Variants in ZBTB40 observed in about 807,000 individuals in gnomAD.
ZBTB40 encodes the protein zinc finger and BTB domain containing 40, also known as zinc finger and BTB domain-containing protein 40.
A neutral mutation model predicts 117.5 loss-of-function variants in ZBTB40; 60 were observed. The observed-to-expected ratio is 0.51, with a 90% CI of 0.41 to 0.63. The LOEUF is 0.63. ZBTB40 is among the 30% of genes least tolerant of loss of function. The pLI, the probability that ZBTB40 is intolerant of heterozygous loss-of-function variation, is 0.00. For synonymous variants in ZBTB40, 525 were observed against 577.1 expected (o/e 0.91, Z 1.29); for missense variants, 1,287 against 1,498.5 (o/e 0.86, Z 2.33).
At chr1:22,478,246 CT>C (rs928108075) in intron 1 of ZBTB40, among the ~76,000 whole-genome samples, 7 of 149,502 alleles carry the variant, frequency 4.7e-5, no homozygotes, top group East Asian at 2.0e-4. Context: ...CTATAATTTT[CT>C]TTTTTTTTTC....
At chr1:22,510,006 A>T (rs3754010) in intron 9 of ZBTB40, among the ~76,000 whole-genome samples, 47,599 of 152,176 alleles carry the variant, frequency 0.31, 8,275 homozygotes, top group East Asian at 0.46. Context: ...CAAGATAAAC[A>T]TAGATAAAAC....
At chr1:22,491,142 G>A (rs887137566) in intron 2 of ZBTB40, among the ~76,000 whole-genome samples, 1 of 152,136 alleles carries the variant, frequency 6.6e-6, no homozygotes, top group African/African-American at 2.4e-5. Flanking sequence ...TGATCCACCC[G>A]CCTCAGCCTC....
chr1:22,515,954 A>G (rs1639363899), intron 12 of ZBTB40, among the ~76,000 whole-genome samples: 1 of 152,226 alleles, frequency 6.6e-6, no homozygotes, highest in Non-Finnish European at 1.5e-5. Flanking sequence ...CGTTCAGTGT[A>G]GAGGTGATAT....
chr1:22,433,984 G>A (rs1569732518), intron 1 of ZBTB40, among the ~76,000 whole-genome samples: 1 of 151,990 alleles, frequency 6.6e-6, no homozygotes, highest in Admixed American at 6.6e-5. Context: ...TAAAATCCCA[G>A]AAGTGCAATT....
Position 22,512,912 on chromosome 1 carries a change from T to TG in ZBTB40, c.2462-10dup, listed in dbSNP as rs1294389487. 6.2e-7 allele frequency: 1 copy of TG among 1,614,018 alleles called. No homozygotes were observed. The highest frequency in any genetic ancestry group is 8.5e-7 in the Non-Finnish European group (1 of 1,179,992). On this transcript the variant is annotated splice_polypyrimidine_tract_variant and intron_variant, in intron 11 of 17. Coordinates refer to ENST00000375647, the MANE Select transcript of ZBTB40 (RefSeq NM_014870.4). ...CATCTCTTCTGGCCTCTGGTGTGCT[T>TG]GGCTTCCCTAGGCATGCAGTACCAT...
rs1377211483 is a variant in ZBTB40 at position 22,513,012 on chromosome 1, C to A, written c.2550C>A (p.Thr850=). 6.2e-7 allele frequency: 1 copy of A among 1,614,154 alleles called. No homozygotes were observed. The highest frequency in any genetic ancestry group is 2.2e-5 in the East Asian group (1 of 44,874). The change falls in exon 12 of 18, where the codon ACC becomes ACA. Residue 850 remains threonine (T), a synonymous_variant. Transcript: ENST00000375647. The surrounding 1 kb of genome is among the most constrained non-coding windows in gnomAD (Gnocchi z 4.9). ...GGGCGAAGTTTGCAGCCAATTCCAC[C>A]CTGAAGAACCACCTTCGCCTTCACA... ...ECGAKFAANS[T]LKNHLRLHTG... is the part of the protein sequence containing the mutation.
chr1:22,529,484 C>A lies in ZBTB40; in HGVS notation c.*3088C>A, dbSNP rs1232458507. ...GGGAATACTGGGGTCAGTTATGGAA[C>A]AGGACTTGCCCATCATAGGTAAGTG... On this transcript the variant is annotated 3_prime_UTR_variant, in exon 18 of 18. Transcript: ENST00000375647. 2 of 152,352 alleles carry A rather than the reference C, an allele frequency of 1.3e-5. No individual in the cohort carries two copies. The highest frequency in any genetic ancestry group is 2.9e-5 in the Non-Finnish European group (2 of 68,076). The allele number at this position is 152,352 out of a possible 1,614,324, so 9.4% of individuals were successfully genotyped here. A position where few individuals can be genotyped will look rare whatever the true frequency, so the allele number is the denominator to read the frequency against.
chr1:22,433,424 C>T (rs1381017988), intron 1 of ZBTB40, among the ~76,000 whole-genome samples: 1 of 6,984 alleles, frequency 1.4e-4, no homozygotes, highest in Non-Finnish European at 3.4e-4. Context: ...CAGAGCAAGA[C>T]GCCCTCTCAA....
At chr1:22,469,315 CT>C (rs1306323036) in intron 1 of ZBTB40, among the ~76,000 whole-genome samples, 3 of 151,032 alleles carry the variant, frequency 2.0e-5, no homozygotes, top group Admixed American at 6.6e-5. Context: ...TGTATTACTT[CT>C]TTTTTTTTAA....
chr1:22,442,627 C>T (rs1041370227), intron 1 of ZBTB40, among the ~76,000 whole-genome samples: 8 of 152,176 alleles, frequency 5.3e-5, no homozygotes, highest in East Asian at 1.9e-4. Flanking sequence ...CCATGCCACC[C>T]GGAGGGCTGT....
In ZBTB40 at chr1:22,490,386, A is replaced by G; in HGVS notation, c.438A>G (p.Val146=). The G allele has an allele frequency of 6.2e-7, 1 of 1,613,858 alleles. No individual in the cohort carries two copies. The change falls in exon 2 of 18, where the codon GTA becomes GTG. Residue 146 remains valine (V), a synonymous_variant. Coordinates refer to ENST00000375647, the MANE Select transcript of ZBTB40 (RefSeq NM_014870.4). ...GAAAGGAACCAGAGAAGCCTCAAGT[A>G]GAAATCCTTTCATCTGAAGGTGCTG... The part of the protein sequence containing the change: ...TFRKEPEKPQ[V]EILSSEGAGE...
chr1:22,444,393 C>T lies in ZBTB40; in HGVS notation c.-70+15379C>T, dbSNP rs528668386. The stretch of plus-strand genomic sequence containing the variant: ...TGAGATCATGCCACTCCAGCCTGGG[C>T]GACAGAGAGAGACTCCGTCTCAAAA... On this transcript the variant is annotated intron_variant, in intron 1 of 8. Transcript: ENST00000650433. 3.4e-4 allele frequency among the ~76,000 whole-genome samples: 51 copies of T among 151,990 alleles called. No individual in the cohort carries two copies. The South Asian group carries it at 0.01, about 30-fold the overall frequency.
chr1:22,490,597 C>G lies in ZBTB40; in HGVS notation c.649C>G (p.Pro217Ala), dbSNP rs755063136. 16 of 1,613,908 alleles carry G rather than the reference C, an allele frequency of 9.9e-6. No individual in the cohort carries two copies. The Admixed American group carries it at 1.2e-4, about 12-fold the overall frequency. Residue 217 changes from proline (P) to alanine (A), a missense_variant, in exon 2 of 18, where the codon CCT becomes GCT. Pro to Ala is a conservative substitution (Grantham distance 27). Transcript: ENST00000375647. ...PTTAEACSPSPAVQTFSEAKK... is the reference protein window; with the variant it reads ...PTTAEACSPSAAVQTFSEAKK... Reference sequence around the variant, plus strand: ...TACAGCTGAAGCTTGTTCCCCCTCCCCTGCTGTGCAAACCTTTAGTGAGGC... The same window carrying G: ...TACAGCTGAAGCTTGTTCCCCCTCCGCTGCTGTGCAAACCTTTAGTGAGGC...
intron 1 of ZBTB40, among the ~76,000 whole-genome samples, chr1:22,470,158 T>C (rs192622916): frequency 5.4e-4 from 83 of 152,342 alleles, no homozygotes; most frequent in African/African-American, 1.9e-3. Flanking sequence ...TTGCCTGTTA[T>C]AGATTTATGA....
At chr1:22,450,473 A>G (rs1413422169), upstream of ZBTB40, among the ~76,000 whole-genome samples, 1 of 152,198 alleles carries the variant, frequency 6.6e-6, no homozygotes, top group East Asian at 1.9e-4. Context: ...TGACATGAGT[A>G]TAATAGTGAA....
At chr1:22,472,240 C>T (rs914547316) in intron 1 of ZBTB40, among the ~76,000 whole-genome samples, 1 of 151,146 alleles carries the variant, frequency 6.6e-6, no homozygotes, top group Non-Finnish European at 1.5e-5. Flanking sequence ...CTGGAGTACA[C>T]TGGTACAAAC....
chr1:22,488,463 C>T (rs1020918796), intron 1 of ZBTB40, among the ~76,000 whole-genome samples: 1 of 152,108 alleles, frequency 6.6e-6, no homozygotes, highest in Non-Finnish European at 1.5e-5. Context: ...GGCCTCTGAG[C>T]AAAGGGCTGG....
At chr1:22,443,524 TA>T (rs1224950044) in intron 1 of ZBTB40, among the ~76,000 whole-genome samples, 1 of 152,240 alleles carries the variant, frequency 6.6e-6, no homozygotes, top group East Asian at 1.9e-4. Context: ...TGAGTTAAGA[TA>T]AGAGTAGTTG....
chr1:22,438,526 A>T (rs1470247121), intron 1 of ZBTB40, among the ~76,000 whole-genome samples: 1 of 152,160 alleles, frequency 6.6e-6, no homozygotes, highest in Non-Finnish European at 1.5e-5. Flanking sequence ...TCAATTTTGG[A>T]GTATACACCC....
Sources: gnomAD v4.1 joint callset for allele counts (sites outside exome capture counted in the v4.1 genomes callset) on GRCh38, gnomAD v4.1.1 for gene constraint, Gnocchi (gnomAD v3.1) non-coding constraint, MANE v1.5 for transcripts, NCBI Gene and HGNC (gene_info 2026-07-23, HGNC 2026-07-21) for gene names.